The following EML1 variants were observed in gnomAD, a reference collection of about 807,000 sequenced individuals.
EML1 encodes EMAP like 1, also known as echinoderm microtubule-associated protein-like 1.
In EML1, 27 loss-of-function variants were observed where a neutral mutation model predicts 110.4. The observed-to-expected ratio is 0.24, with a 90% CI of 0.18 to 0.34. EML1 has a LOEUF of 0.34. Among genes scored for constraint, EML1 ranks in the 10% least tolerant of loss-of-function variants. The pLI, the probability that EML1 is intolerant of heterozygous loss-of-function variation, is 1.00. For synonymous variants in EML1, 344 were observed against 385.8 expected (o/e 0.89, Z 1.27); for missense variants, 741 against 1,030.9 (o/e 0.72, Z 3.85).
At chr14:99,856,474 A>G (rs898206575) in intron 2 of EML1, among the ~76,000 whole-genome samples, 12 of 152,244 alleles carry the variant, frequency 7.9e-5, no homozygotes, top group African/African-American at 1.9e-4. Flanking sequence ...TTGGCAGTCA[A>G]TGACATTAAT....
intron 5 of EML1, chr14:99,892,038 G>A (rs145907073): frequency 1.7e-6 from 1 of 579,516 alleles, no homozygotes; most frequent in Non-Finnish European, 2.2e-6. Flanking sequence ...TTTTAAGACT[G>A]GGGGGCAGGT....
chr14:99,817,202 A>G (rs1222877240), intron 1 of EML1, among the ~76,000 whole-genome samples: 1 of 152,168 alleles, frequency 6.6e-6, no homozygotes, highest in African/African-American at 2.4e-5. Flanking sequence ...ATGATTATAG[A>G]ACACTCAGGT....
chr14:99,892,175 G>C, intron 5 of EML1: 1 of 985,368 alleles, frequency 1.0e-6, no homozygotes, highest in Non-Finnish European at 1.2e-6. Context: ...CAAGGGAAAC[G>C]CCGGGTGACA....
chr14:99,756,802 G>A (rs1208609414), intron 1 of EML1, among the ~76,000 whole-genome samples: 1 of 152,102 alleles, frequency 6.6e-6, no homozygotes. Flanking sequence ...GGCACCCTCA[G>A]ACACATTCAC....
At chr14:99,777,948 C>T (rs2057501008) in intron 1 of EML1, among the ~76,000 whole-genome samples, 1 of 152,122 alleles carries the variant, frequency 6.6e-6, no homozygotes, top group African/African-American at 2.4e-5. Flanking sequence ...CCATGCCTGG[C>T]TAATTTTTGC....
At chr14:99,890,705 GT>G (rs1467960478) in intron 4 of EML1, among the ~76,000 whole-genome samples, 18 of 152,150 alleles carry the variant, frequency 1.2e-4, no homozygotes, top group Admixed American at 8.5e-4. Flanking sequence ...ACACCCTGGT[GT>G]TCCCCGCTTC....
chr14:99,911,891 T>C (rs886720873), intron 13 of EML1, among the ~76,000 whole-genome samples: 1 of 149,366 alleles, frequency 6.7e-6, no homozygotes, highest in African/African-American at 2.5e-5. Context: ...TCTTTTTCTT[T>C]TTTTCTTTCT....
chr14:99,823,782 T>A (rs2058303990), intron 1 of EML1, among the ~76,000 whole-genome samples: 1 of 151,980 alleles, frequency 6.6e-6, no homozygotes, highest in Non-Finnish European at 1.5e-5. Context: ...ACTAAAACAG[T>A]GACTGAAGGG....
intron 1 of EML1, among the ~76,000 whole-genome samples, chr14:99,810,567 C>G (rs1468848400): frequency 6.6e-6 from 1 of 152,132 alleles, no homozygotes; most frequent in Non-Finnish European, 1.5e-5. Context: ...TTCATAGGCC[C>G]TCTGCATTAT....
chr14:99,871,733 T>C (rs1260635357), intron 3 of EML1, among the ~76,000 whole-genome samples: 1 of 152,206 alleles, frequency 6.6e-6, no homozygotes, highest in Non-Finnish European at 1.5e-5. Context: ...TACGATCTCC[T>C]GATAAAACTT....
intron 4 of EML1, among the ~76,000 whole-genome samples, chr14:99,884,858 G>A (rs543964319): frequency 1.3e-5 from 2 of 152,328 alleles, no homozygotes; most frequent in East Asian, 3.9e-4. Flanking sequence ...GGGGGTGGGG[G>A]CAGGGAAGGT....
intron 4 of EML1, among the ~76,000 whole-genome samples, chr14:99,883,867 AG>A (rs1160026237): frequency 2.0e-5 from 3 of 152,254 alleles, no homozygotes; most frequent in African/African-American, 7.2e-5. Flanking sequence ...CACTCAGACC[AG>A]GCCACCATCT....
intron 1 of EML1, among the ~76,000 whole-genome samples, chr14:99,759,417 T>C (rs547740598): frequency 3.9e-5 from 6 of 152,348 alleles, no homozygotes; most frequent in Admixed American, 3.3e-4. Flanking sequence ...GATGGTTCTC[T>C]GACCACTCAG....
At chr14:99,760,431 C>T (rs951879998) in intron 1 of EML1, among the ~76,000 whole-genome samples, 14 of 152,180 alleles carry the variant, frequency 9.2e-5, no homozygotes, top group African/African-American at 2.9e-4. Context: ...TTAACAACTG[C>T]GGAACATGGA....
chr14:99,840,630 A>G (rs925897125), intron 1 of EML1, among the ~76,000 whole-genome samples: 2 of 152,240 alleles, frequency 1.3e-5, no homozygotes, highest in Non-Finnish European at 2.9e-5. Context: ...GAAAATAAGA[A>G]CATCTCACGA....
intron 1 of EML1, among the ~76,000 whole-genome samples, chr14:99,799,102 T>C (rs1955666271): frequency 6.6e-6 from 1 of 152,212 alleles, no homozygotes; most frequent in African/African-American, 2.4e-5. Flanking sequence ...AGATCTGGCC[T>C]GGCTTCTTCT....
At chr14:99,898,385 G>C in intron 8 of EML1, 83 bp downstream of exon 8, 10 of 1,322,908 alleles carry the variant, frequency 7.6e-6, no homozygotes, top group Non-Finnish European at 1.0e-5. Context: ...TGCTGAGTAA[G>C]GCTGCTTAGA....
chr14:99,777,336 T>G (rs1456331524), intron 1 of EML1, among the ~76,000 whole-genome samples: 1 of 152,226 alleles, frequency 6.6e-6, no homozygotes, highest in African/African-American at 2.4e-5. Context: ...CTAGCGTTCT[T>G]CCTACCTCCC....
At chr14:99,802,993 G>A (rs755072482) in intron 1 of EML1, among the ~76,000 whole-genome samples, 17 of 152,024 alleles carry the variant, frequency 1.1e-4, no homozygotes, top group Non-Finnish European at 2.1e-4. Flanking sequence ...TTCCTTCGTC[G>A]GTGGCTATGT....
Sources: allele counts gnomAD v4.1 joint callset (sites outside exome capture counted in the v4.1 genomes callset), GRCh38; gene constraint gnomAD v4.1.1; transcripts MANE v1.5; gene names NCBI Gene and HGNC (gene_info 2026-07-23, HGNC 2026-07-21).